TNPO1: variants seen among roughly 807,000 people sequenced by gnomAD.
TNPO1 encodes the protein transportin-1.
Under a neutral mutation model 119.5 loss-of-function variants are expected in TNPO1, and 8 were observed. The observed-to-expected ratio is 0.07, with a 90% CI of 0.04 to 0.12. TNPO1 has a LOEUF of 0.12. Ranked by LOEUF, TNPO1 falls within the 10% of genes least tolerant of loss-of-function variation. The pLI is 1.00. For missense variants in TNPO1, 576 were observed against 1,089.8 expected, an observed-to-expected ratio of 0.53 and a Z score of 6.64; for synonymous variants, 362 against 363.0, an observed-to-expected ratio of 1.00 and a Z score of 0.03.
intron 3 of TNPO1, among the ~76,000 whole-genome samples, chr5:72,851,944 A>C (rs1172249592): frequency 1.3e-5 from 2 of 152,262 alleles, no homozygotes; most frequent in Non-Finnish European, 2.9e-5. Flanking sequence ...TGTAGGTTTT[A>C]ATAACTGAAT....
At chr5:72,823,597 G>C (rs1473550832) in intron 1 of TNPO1, among the ~76,000 whole-genome samples, 1 of 152,008 alleles carries the variant, frequency 6.6e-6, no homozygotes, top group African/African-American at 2.4e-5. Flanking sequence ...CTGCTCCCCT[G>C]CCCCTTACCC....
Position 72,914,066 on chromosome 5 carries a change from C to G in TNPO1, c.*5393C>G, listed in dbSNP as rs909204245. The G allele has an allele frequency of 6.6e-6, 1 of 152,566 alleles. No homozygotes were observed. The highest frequency in any genetic ancestry group is 1.5e-5 in the Non-Finnish European group (1 of 67,986). 9.5% of individuals were successfully genotyped at this position (152,566 alleles called of 1,614,324 possible). On this transcript the variant is annotated 3_prime_UTR_variant, in exon 25 of 25. Transcript: ENST00000337273. ...TGAGTTATGCTTAAAAGCTTTAAAT[C>G]TGATGTTTCCTGTACCTGCCACACT...
At chr5:72,864,157 A>G (rs1746704580) in intron 5 of TNPO1, among the ~76,000 whole-genome samples, 1 of 152,214 alleles carries the variant, frequency 6.6e-6, no homozygotes, top group African/African-American at 2.4e-5. Context: ...AACCTTAACA[A>G]TTGAATATGA....
chr5:72,835,600 C>T (rs1000945795), intron 1 of TNPO1, among the ~76,000 whole-genome samples: 17 of 152,260 alleles, frequency 1.1e-4, no homozygotes, highest in African/African-American at 2.9e-4. Context: ...ACTCTCATGA[C>T]GTAATCACTT....
intron 4 of TNPO1, among the ~76,000 whole-genome samples, chr5:72,861,122 G>A (rs1746412340): frequency 6.6e-6 from 1 of 152,002 alleles, no homozygotes; most frequent in Non-Finnish European, 1.5e-5. Context: ...TGTTGGTCAG[G>A]CTGGTCTTGA....
At chr5:72,848,078 G>A (rs1404483895) in intron 1 of TNPO1, 1 of 1,099,054 alleles carries the variant, frequency 9.1e-7, no homozygotes, top group South Asian at 3.0e-5. Flanking sequence ...GACCCAGGGG[G>A]CTCCCGTGAG....
At chr5:72,890,708 T>C (rs1441961184) in intron 14 of TNPO1, among the ~76,000 whole-genome samples, 1 of 152,236 alleles carries the variant, frequency 6.6e-6, no homozygotes, top group Admixed American at 6.5e-5. Flanking sequence ...TCACTATGTT[T>C]AGTCGTTTTA....
chr5:72,888,069 T>G lies in TNPO1; in HGVS notation c.1304-9T>G. 6.2e-7 allele frequency: 1 copy of G among 1,601,436 alleles called. No individual in the cohort carries two copies. The highest frequency in any genetic ancestry group is 8.5e-7 in the Non-Finnish European group (1 of 1,174,870). ...TTTTAGCATTTTGAAAGATTTATTTTTTTTCTAGGTTGCATGCAGGGCATG... is the reference window on the plus strand; with the variant it reads ...TTTTAGCATTTTGAAAGATTTATTTGTTTTCTAGGTTGCATGCAGGGCATG... On this transcript the variant is annotated splice_polypyrimidine_tract_variant and intron_variant, in intron 12 of 24. Transcript: ENST00000337273.
chr5:72,897,691 A>G (rs1236018184), intron 20 of TNPO1, among the ~76,000 whole-genome samples: 1 of 149,376 alleles, frequency 6.7e-6, no homozygotes, highest in Non-Finnish European at 1.5e-5. Flanking sequence ...GCATGTTTAT[A>G]TTAAAGAGTA....
chr5:72,829,759 C>T (rs1281633730), intron 1 of TNPO1, among the ~76,000 whole-genome samples: 30 of 152,260 alleles, frequency 2.0e-4, no homozygotes. Context: ...TGTTCTTATG[C>T]AGAGAATTGA....
At chr5:72,839,941 A>G (rs1744837605) in intron 1 of TNPO1, among the ~76,000 whole-genome samples, 1 of 152,184 alleles carries the variant, frequency 6.6e-6, no homozygotes, top group African/African-American at 2.4e-5. Context: ...ACTAAAAGTT[A>G]AATATCTGGG....
chr5:72,894,417 A>G (rs1749274268), intron 18 of TNPO1, among the ~76,000 whole-genome samples: 2 of 152,220 alleles, frequency 1.3e-5, no homozygotes, highest in African/African-American at 4.8e-5. Context: ...CAGACCTGTA[A>G]TGCCAGCACT....
intron 23 of TNPO1, among the ~76,000 whole-genome samples, chr5:72,904,930 G>T (rs532747679): frequency 6.6e-6 from 1 of 152,176 alleles, no homozygotes; most frequent in African/African-American, 2.4e-5. Context: ...GTCTTAAATC[G>T]CAGCAGGCAA....
chr5:72,864,728 C>T (rs34668), intron 5 of TNPO1, among the ~76,000 whole-genome samples: 20,559 of 152,098 alleles, frequency 0.14, 1,558 homozygotes, highest in East Asian at 0.29. Context: ...CATGCCTCAG[C>T]CTCCAGAGTA....
chr5:72,853,658 C>G (rs548383011), intron 3 of TNPO1, among the ~76,000 whole-genome samples: 1 of 54,990 alleles, frequency 1.8e-5, no homozygotes, highest in Admixed American at 2.1e-4. Flanking sequence ...TGTGTTTATG[C>G]ATTTTTTTTT....
intron 1 of TNPO1, among the ~76,000 whole-genome samples, chr5:72,843,678 C>T (rs1014204697): frequency 2.6e-5 from 4 of 151,846 alleles, no homozygotes; most frequent in Non-Finnish European, 5.9e-5. Flanking sequence ...GGATCTCTAC[C>T]AAGAGTTGTT....
rs371087785 is a variant in TNPO1, at chr5:72,816,858, C to T, written c.15+106C>T. Reference sequence around the variant, plus strand: ...ACGGGAGAGACGCCGGGCTCGCCCGCTCTCTCGGCGCCTGCCCGGCCGTTT... The same window carrying T: ...ACGGGAGAGACGCCGGGCTCGCCCGTTCTCTCGGCGCCTGCCCGGCCGTTT... On this transcript the variant is annotated intron_variant, in intron 1 of 24. Coordinates refer to ENST00000337273, the MANE Select transcript of TNPO1 (RefSeq NM_002270.4). 7.5e-4 allele frequency: 1,026 copies of T among 1,371,420 alleles called. 10 individuals are homozygous for T. In the African/African-American group the frequency reaches 0.014, roughly 19 times the overall value. The allele number at this position is 1,371,420 out of a possible 1,614,324, so 85.0% of individuals were successfully genotyped here. A position where few individuals can be genotyped will look rare whatever the true frequency, so the allele number is the denominator to read the frequency against.
intron 9 of TNPO1, among the ~76,000 whole-genome samples, chr5:72,880,351 G>A (rs1297417746): frequency 1.3e-5 from 2 of 151,838 alleles, no homozygotes; most frequent in Admixed American, 6.6e-5. Flanking sequence ...GATTTCTCTC[G>A]TTTTTACAAA....
chr5:72,834,490 T>G (rs1172860043), intron 1 of TNPO1, among the ~76,000 whole-genome samples: 1 of 152,200 alleles, frequency 6.6e-6, no homozygotes, highest in Non-Finnish European at 1.5e-5. Flanking sequence ...CCAATGTGTG[T>G]GTTCGTGTCT....
Sources: allele counts gnomAD v4.1 joint callset (sites outside exome capture counted in the v4.1 genomes callset), GRCh38; gene constraint gnomAD v4.1.1; transcripts MANE v1.5; gene names NCBI Gene and HGNC (gene_info 2026-07-23, HGNC 2026-07-21).